The following MPRIP variants were observed in gnomAD, a reference collection of about 807,000 sequenced individuals.
The protein encoded by MPRIP is myosin phosphatase Rho interacting protein.
Under a neutral mutation model 234.9 loss-of-function variants are expected in MPRIP, and 59 were observed. That is an observed-to-expected ratio of 0.25 (90% CI 0.20 to 0.31). MPRIP has a LOEUF of 0.31. Ranked by LOEUF, MPRIP falls within the 10% of genes least tolerant of loss-of-function variation. The pLI, the probability that MPRIP is intolerant of heterozygous loss-of-function variation, is 1.00. For missense variants in MPRIP, 2,436 were observed against 3,071.0 expected, an observed-to-expected ratio of 0.79 and a Z score of 4.89; for synonymous variants, 1,144 against 1,263.9, an observed-to-expected ratio of 0.91 and a Z score of 2.01.
At chr17:17,077,879 C>A in intron 2 of MPRIP, 132 bp from the exon 3 acceptor site, 1 of 854,616 alleles carries the variant, frequency 1.2e-6, no homozygotes, top group Non-Finnish European at 1.9e-6. Flanking sequence ...TTTCCTGCCA[C>A]CTGCCCCAGA....
Position 17,180,052 on chromosome 17 carries a change from C to T in MPRIP, c.7170C>T (p.Ser2390=), listed in dbSNP as rs202169158. 74 of 1,592,566 alleles carry T rather than the reference C, an allele frequency of 4.6e-5. No individual in the cohort carries two copies. The highest frequency in any genetic ancestry group is 5.6e-5 in the Non-Finnish European group (66 of 1,174,210). Residue 2390 remains serine (S), a synonymous_variant, in exon 23 of 24, where the codon TCC becomes TCT. Transcript: ENST00000651222. ...SNPDFLKKDR[S]CVTRQLRNIR... is the part of the protein sequence containing the mutation. ...CTGACTTCTTGAAGAAAGACAGATC[C>T]TGTGTCACCCGGCAACTCAGAAACA... is the stretch of plus-strand genomic sequence containing the variant.
At chr17:17,143,338 G>A (rs1159113176) in intron 8 of MPRIP, among the ~76,000 whole-genome samples, 3 of 152,214 alleles carry the variant, frequency 2.0e-5, no homozygotes, top group Admixed American at 1.3e-4. Flanking sequence ...CAGTGACTGG[G>A]AATCCAAAAG....
At chr17:17,092,516 A>G (rs996243084) in intron 3 of MPRIP, among the ~76,000 whole-genome samples, 13 of 152,174 alleles carry the variant, frequency 8.5e-5, no homozygotes, top group Non-Finnish European at 1.0e-4. Flanking sequence ...CGGAGAGGCC[A>G]GAGCCCAGTT....
chr17:17,142,379 C>T (rs1274456639), intron 7 of MPRIP: 2 of 450,390 alleles, frequency 4.4e-6, no homozygotes, highest in Non-Finnish European at 8.1e-6. Flanking sequence ...GGGTCAGCAC[C>T]ACAGAGCCTG....
chr17:17,173,719 T>A (rs577602699), intron 18 of MPRIP, 197 bp from the exon 19 acceptor site: 2 of 709,864 alleles, frequency 2.8e-6, no homozygotes, highest in Non-Finnish European at 5.1e-6. Flanking sequence ...ACTGTCAGAC[T>A]GTGAGAAAGG....
intron 1 of MPRIP, among the ~76,000 whole-genome samples, chr17:17,070,967 C>T (rs890235825): frequency 9.9e-5 from 15 of 152,240 alleles, no homozygotes; most frequent in African/African-American, 3.4e-4. Context: ...CATCCCTCGG[C>T]CTCCACTGAT....
chr17:17,185,177 C>T lies in MPRIP; in HGVS notation c.*283C>T. 2 of 347,988 alleles carry T rather than the reference C, an allele frequency of 5.7e-6. No homozygotes were observed. The highest frequency in any genetic ancestry group is 1.1e-5 in the Non-Finnish European group (2 of 177,386). 21.6% of individuals were successfully genotyped at this position (347,988 alleles called of 1,614,324 possible). On this transcript the variant is annotated 3_prime_UTR_variant, in exon 24 of 24. Coordinates refer to ENST00000651222, the MANE Select transcript of MPRIP (RefSeq NM_001364716.4). The stretch of plus-strand genomic sequence containing the variant: ...GGCATCTGTGTTAGTCCTTTCCTGG[C>T]TGTGACCCGCCACACTCACTGTCAG...
chr17:17,057,794 G>A (rs2088750303), intron 1 of MPRIP: 3 of 695,194 alleles, frequency 4.3e-6, no homozygotes, highest in Non-Finnish European at 8.0e-6. Context: ...CCTGAAGCAT[G>A]ACCTCCAGGG....
intron 23 of MPRIP, among the ~76,000 whole-genome samples, chr17:17,184,141 CTAGT>C (rs577131245): frequency 1.6e-4 from 25 of 152,340 alleles, no homozygotes; most frequent in Admixed American, 5.2e-4. Flanking sequence ...ACTCTGTCCC[CTAGT>C]TAGTAAGATC....
At chr17:17,111,606 G>C (rs1486877518) in intron 3 of MPRIP, among the ~76,000 whole-genome samples, 2 of 152,234 alleles carry the variant, frequency 1.3e-5, no homozygotes, top group East Asian at 3.8e-4. Context: ...AACAGCTGTG[G>C]AGAGTGAAGC....
intron 1 of MPRIP, among the ~76,000 whole-genome samples, chr17:17,070,387 T>A (rs2089163803): frequency 6.6e-6 from 1 of 152,222 alleles, no homozygotes; most frequent in Non-Finnish European, 1.5e-5. Context: ...GAGACTCTGA[T>A]GACATGAATG....
intron 11 of MPRIP, among the ~76,000 whole-genome samples, chr17:17,148,702 C>G (rs2045532116): frequency 6.6e-6 from 1 of 152,166 alleles, no homozygotes; most frequent in South Asian, 2.1e-4. Flanking sequence ...GCCAGCTGAA[C>G]TAGCAGCTTC....
At position 17,174,005 on chromosome 17, in the gene MPRIP, C is replaced by G; in HGVS notation, c.6680C>G (p.Ala2227Gly). 6.2e-7 allele frequency: 1 copy of G among 1,613,666 alleles called. No homozygotes were observed. The change falls in exon 19 of 24, where the codon GCG becomes GGG. Residue 2227 changes from alanine (A) to glycine (G), a missense_variant. Ala to Gly is a moderately conservative substitution (Grantham distance 60). This residue lies in a region of MPRIP where 1,998 missense variants were observed against 2,520.3 expected (regional missense o/e 0.79). Coordinates refer to ENST00000651222, the MANE Select transcript of MPRIP (RefSeq NM_001364716.4). ...CTGGAGAATGCCCATCTGGCCCAGG[C>G]GCTGGAGGCCGAGCGGCAGGCCCTG... ...KCLENAHLAQ[A>G]LEAERQALRQ...
At chr17:17,143,472 T>C (rs2045376134) in intron 8 of MPRIP, 84 bp from the exon 9 acceptor site, 3 of 870,884 alleles carry the variant, frequency 3.4e-6, no homozygotes, top group South Asian at 2.2e-5. Context: ...TGGCGGCTCT[T>C]GGAGGGGTGG....
intron 3 of MPRIP, among the ~76,000 whole-genome samples, chr17:17,086,429 A>G (rs1160588574): frequency 2.0e-5 from 3 of 152,176 alleles, no homozygotes; most frequent in African/African-American, 7.2e-5. Flanking sequence ...TGAATTCCTT[A>G]ATGAAGGAAG....
intron 1 of MPRIP, among the ~76,000 whole-genome samples, chr17:17,066,805 G>A (rs890242171): frequency 7.2e-5 from 9 of 125,522 alleles, no homozygotes; most frequent in Non-Finnish European, 1.1e-4. Flanking sequence ...TGCCCAGGCC[G>A]GAGTGTAGTG....
At chr17:17,173,468 C>G (rs1323504207) in intron 18 of MPRIP, among the ~76,000 whole-genome samples, 2 of 152,336 alleles carry the variant, frequency 1.3e-5, no homozygotes, top group East Asian at 3.9e-4. Context: ...GCCCCTCATC[C>G]CTGGTTCACC....
chr17:17,062,169 G>T (rs1373902504), intron 1 of MPRIP, among the ~76,000 whole-genome samples: 2 of 152,036 alleles, frequency 1.3e-5, no homozygotes, highest in Non-Finnish European at 2.9e-5. Flanking sequence ...TCCTGTTGGT[G>T]GACAGTAGAG....
chr17:17,184,819 C>G lies in MPRIP; in HGVS notation c.7207-4C>G, dbSNP rs780852977. 3.1e-6 allele frequency: 5 copies of G among 1,610,768 alleles called. No homozygotes were observed. Among genetic ancestry groups the G allele is most frequent in the Non-Finnish European group, 4.2e-6 (5 of 1,177,550 alleles). ...TTTTCTCCTCCTGCTCTGTCTCTAC[C>G]CAGAGTCTGAAGGAAGGCCTGACGG... is the stretch of plus-strand genomic sequence containing the variant. On this transcript the variant is annotated splice_region_variant and splice_polypyrimidine_tract_variant and intron_variant, in intron 23 of 23. Coordinates refer to ENST00000651222, the MANE Select transcript of MPRIP (RefSeq NM_001364716.4).
Sources: allele counts gnomAD v4.1 joint callset (sites outside exome capture counted in the v4.1 genomes callset), GRCh38; gene constraint gnomAD v4.1.1; regional missense constraint gnomAD v4.1.1; transcripts MANE v1.5; gene names NCBI Gene and HGNC (gene_info 2026-07-23, HGNC 2026-07-21).